MARK3: variants seen among roughly 807,000 people sequenced by gnomAD.
The protein encoded by MARK3 is MAP/microtubule affinity-regulating kinase 3.
Under a neutral mutation model 90.1 loss-of-function variants are expected in MARK3, and 46 were observed. The ratio of observed to expected loss-of-function variants is 0.51; its 90% CI spans 0.40 to 0.65. The LOEUF is 0.65. Ranked by LOEUF, MARK3 falls within the 30% of genes least tolerant of loss-of-function variation. The pLI is 0.00. For missense variants in MARK3, 818 were observed against 947.2 expected, an observed-to-expected ratio of 0.86 and a Z score of 1.79; for synonymous variants, 321 against 332.6, an observed-to-expected ratio of 0.97 and a Z score of 0.38.
chr14:103,414,118 A>G (rs1566798420), intron 2 of MARK3, among the ~76,000 whole-genome samples: 2 of 152,170 alleles, frequency 1.3e-5, no homozygotes, highest in South Asian at 2.1e-4. Context: ...ATATAACAGT[A>G]TAATATTCCT....
intron 1 of MARK3, chr14:103,386,399 G>C: frequency 1.6e-6 from 1 of 643,140 alleles, no homozygotes; most frequent in Non-Finnish European, 2.9e-6. Context: ...GTGTGTGTCA[G>C]ATCACTGCAG....
chr14:103,467,409 A>C, intron 11 of MARK3: 1 of 317,864 alleles, frequency 3.1e-6, no homozygotes, highest in Non-Finnish European at 5.8e-6. Context: ...TCATGCCTGT[A>C]ATCCCAGCAC....
chr14:103,503,035 T>C lies in MARK3; in HGVS notation c.2070T>C (p.Tyr690=). ...TGTTGGACGCCAATAACTGCGACTA[T>C]GAGCAGAGGGAGCGCTTCTTGCTCT... ...RKVLDANNCD[Y]EQRERFLLFC... Residue 690 remains tyrosine (Y), a synonymous_variant, in exon 18 of 18, where the codon TAT becomes TAC. Transcript: ENST00000429436. 1 of 1,614,268 alleles carries C rather than the reference T, an allele frequency of 6.2e-7. No homozygotes were observed. Among genetic ancestry groups the C allele is most frequent in the African/African-American group, 1.3e-5 (1 of 75,074 alleles).
At chr14:103,431,947 G>T (rs979128105) in intron 3 of MARK3, among the ~76,000 whole-genome samples, 5 of 151,844 alleles carry the variant, frequency 3.3e-5, no homozygotes, top group Non-Finnish European at 7.4e-5. Context: ...CTGAACAGAA[G>T]CCTACTTTAT....
intron 1 of MARK3, 169 bp downstream of exon 1, chr14:103,386,249 C>A: frequency 4.1e-6 from 3 of 732,698 alleles, no homozygotes; most frequent in South Asian, 1.5e-5. Flanking sequence ...AGAAGTCTGC[C>A]GTGTCCCGCT....
At chr14:103,473,023 A>G (rs905917107) in intron 12 of MARK3, among the ~76,000 whole-genome samples, 4 of 150,304 alleles carry the variant, frequency 2.7e-5, no homozygotes, top group Admixed American at 1.3e-4. Flanking sequence ...AAAAAAAAGG[A>G]ACAAACTATG....
chr14:103,484,793 C>T (rs141286758), intron 14 of MARK3, among the ~76,000 whole-genome samples: 6,964 of 151,918 alleles, frequency 0.046, 205 homozygotes, highest in Admixed American at 0.081. Flanking sequence ...TGGTGGCATG[C>T]GCCTGTAGTC....
chr14:103,402,830 A>G (rs1212135849), intron 1 of MARK3, among the ~76,000 whole-genome samples: 1 of 152,218 alleles, frequency 6.6e-6, no homozygotes, highest in East Asian at 1.9e-4. Flanking sequence ...TTTGAAAGAC[A>G]GGTCATTGGC....
chr14:103,493,701 C>G (rs1271587756), intron 15 of MARK3, among the ~76,000 whole-genome samples: 1 of 151,318 alleles, frequency 6.6e-6, no homozygotes, highest in African/African-American at 2.4e-5. Flanking sequence ...ATGGTGAAAC[C>G]CCATCTCTAC....
intron 5 of MARK3, among the ~76,000 whole-genome samples, chr14:103,452,532 C>T (rs953553787): frequency 7.4e-6 from 1 of 134,252 alleles, no homozygotes; most frequent in African/African-American, 2.7e-5. Flanking sequence ...AGTGCAGTGG[C>T]GCGATCTCGG....
intron 3 of MARK3, among the ~76,000 whole-genome samples, chr14:103,440,010 C>A (rs999289911): frequency 6.6e-6 from 1 of 152,112 alleles, no homozygotes; most frequent in Non-Finnish European, 1.5e-5. Flanking sequence ...GTCTCGAACT[C>A]CTGACTTCAA....
intron 17 of MARK3, among the ~76,000 whole-genome samples, chr14:103,501,604 C>T (rs1339629132): frequency 6.6e-6 from 1 of 152,132 alleles, no homozygotes; most frequent in East Asian, 1.9e-4. Flanking sequence ...TCATAGCTCT[C>T]CTCAGATGCA....
At chr14:103,424,054 A>G (rs2092317818) in intron 2 of MARK3, among the ~76,000 whole-genome samples, 1 of 152,228 alleles carries the variant, frequency 6.6e-6, no homozygotes, top group South Asian at 2.1e-4. Flanking sequence ...AAAAAAATAC[A>G]AAAATTAGCT....
intron 11 of MARK3, chr14:103,467,589 T>C: frequency 6.5e-6 from 1 of 152,722 alleles, no homozygotes; most frequent in Non-Finnish European, 1.4e-5. Flanking sequence ...GCAAGAGAAC[T>C]GCTTGACCCT....
chr14:103,412,461 C>G, intron 2 of MARK3: 1 of 538,614 alleles, frequency 1.9e-6, no homozygotes, highest in Non-Finnish European at 3.3e-6. Context: ...TACTTCTTGG[C>G]CAGCTTCTTG....
chr14:103,489,393 A>C (rs2093981375), intron 14 of MARK3: 1 of 152,294 alleles, frequency 6.6e-6, no homozygotes, highest in Non-Finnish European at 1.5e-5. Flanking sequence ...CTCCAAGTCG[A>C]GGAGACTGAA....
chr14:103,432,958 C>T (rs931855384), intron 3 of MARK3, among the ~76,000 whole-genome samples: 3 of 152,116 alleles, frequency 2.0e-5, no homozygotes, highest in East Asian at 3.8e-4. Flanking sequence ...CCACAATAGA[C>T]TATACCACAT....
intron 17 of MARK3, among the ~76,000 whole-genome samples, chr14:103,502,137 G>A (rs772281287): frequency 6.6e-6 from 1 of 152,210 alleles, no homozygotes; most frequent in Non-Finnish European, 1.5e-5. Context: ...CCCGGCCTGG[G>A]CTCTACTTAG....
At chr14:103,409,004 C>A (rs969598119) in intron 2 of MARK3, among the ~76,000 whole-genome samples, 3 of 152,036 alleles carry the variant, frequency 2.0e-5, no homozygotes, top group Non-Finnish European at 2.9e-5. Flanking sequence ...TGGCTACTTG[C>A]CAGCTTCCTC....
Sources: allele counts gnomAD v4.1 joint callset (sites outside exome capture counted in the v4.1 genomes callset), GRCh38; gene constraint gnomAD v4.1.1; transcripts MANE v1.5; gene names NCBI Gene and HGNC (gene_info 2026-07-23, HGNC 2026-07-21).